The following SERPINB11 variants were observed in gnomAD, a reference collection of about 807,000 sequenced individuals.
SERPINB11 encodes serpin family B member 11, also known as serpin B11.
A neutral mutation model predicts 36.7 loss-of-function variants in SERPINB11; 32 were observed. The ratio of observed to expected loss-of-function variants is 0.87; its 90% CI spans 0.66 to 1.17. SERPINB11 has a LOEUF of 1.17. Among genes scored for constraint, SERPINB11 ranks in the 50% most tolerant of loss-of-function variants. SERPINB11 has a pLI of 0.00. For synonymous variants in SERPINB11, 174 were observed against 168.1 expected, an observed-to-expected ratio of 1.04 and a Z score of -0.27; for missense variants, 528 against 458.4, an observed-to-expected ratio of 1.15 and a Z score of -1.39.
intron 5 of SERPINB11, among the ~76,000 whole-genome samples, chr18:63,719,537 T>G (rs972604414): frequency 6.6e-6 from 1 of 152,152 alleles, no homozygotes; most frequent in African/African-American, 2.4e-5. Context: ...GATTTTCAGA[T>G]ATGTGTTTAC....
In SERPINB11 at chr18:63,723,187, A is replaced by G. The variant is rs769968538; in HGVS notation, c.967A>G (p.Thr323Ala). ...AGCTGATCTTTCTGGAATGTCACCA[A>G]CCAAGGGCCTATATTTATCAAAAGC... is the stretch of plus-strand genomic sequence containing the variant. ...VKADLSGMSP[T>A]KGLYLSKAIH... The change falls in exon 8 of 8, where the codon ACC becomes GCC. Residue 323 changes from threonine to alanine, a missense_variant. Thr to Ala is a moderately conservative substitution (Grantham distance 58). Coordinates refer to ENST00000544088, the MANE Select transcript of SERPINB11 (RefSeq NM_001370475.1). The G allele has an allele frequency of 3.1e-6, 5 of 1,613,466 alleles. No homozygotes were observed. The highest frequency in any genetic ancestry group is 4.2e-6 in the Non-Finnish European group (5 of 1,179,650).
At chr18:63,703,113 A>C (rs541733424) in intron 1 of SERPINB11, 107 bp downstream of exon 1, 1 of 152,328 alleles carries the variant, frequency 6.6e-6, no homozygotes, top group South Asian at 2.1e-4. Context: ...TAATGAACCA[A>C]ATGAAGGGGC....
chr18:63,717,373 C>T (rs147427487), intron 5 of SERPINB11, among the ~76,000 whole-genome samples: 1 of 151,946 alleles, frequency 6.6e-6, no homozygotes, highest in East Asian at 1.9e-4. Context: ...TATGTATGCA[C>T]TTTTATTGGG....
intron 1 of SERPINB11, among the ~76,000 whole-genome samples, chr18:63,703,948 T>G (rs1914304937): frequency 7.6e-6 from 1 of 131,462 alleles, no homozygotes; most frequent in South Asian, 2.8e-4. Context: ...AACTTCCAGA[T>G]GACACAACTC....
In SERPINB11 at chr18:63,716,055, G is replaced by C; in HGVS notation, c.378G>C (p.Glu126Asp). ...AFHQQYLSCS[E>D]KWYQARLQTV... Reference sequence around the variant, plus strand: ...CATAGCAATATTTAAGCTGTTCTGAGAAATGGTATCAAGCCAGGTTGCAAA... The same window carrying C: ...CATAGCAATATTTAAGCTGTTCTGACAAATGGTATCAAGCCAGGTTGCAAA... The change falls in exon 5 of 8, where the codon GAG becomes GAC. Residue 126 changes from glutamate to aspartate, a missense_variant. By Grantham distance (45) the Glu-to-Asp change is conservative (BLOSUM62 2). Coordinates refer to ENST00000544088, the MANE Select transcript of SERPINB11 (RefSeq NM_001370475.1). The C allele has an allele frequency of 1.9e-6, 3 of 1,610,276 alleles. No homozygotes were observed. Among genetic ancestry groups the C allele is most frequent in the Non-Finnish European group, 2.5e-6 (3 of 1,177,514 alleles).
Position 63,711,330 on chromosome 18 carries a change from T to C in SERPINB11, c.169-5T>C, listed in dbSNP as rs1018892395. 1 of 1,606,286 alleles carries C rather than the reference T, an allele frequency of 6.2e-7. No individual in the cohort carries two copies. Among genetic ancestry groups the C allele is most frequent in the Non-Finnish European group, 8.5e-7 (1 of 1,174,158 alleles). The stretch of plus-strand genomic sequence containing the variant: ...GCCAAAAGATCCCTTTTTTTTCTTT[T>C]CTAGGTGCTTCATTTTAGTCATACT... On this transcript the variant is annotated splice_region_variant and splice_polypyrimidine_tract_variant and intron_variant, in intron 2 of 7. Transcript: ENST00000544088.
intron 1 of SERPINB11, chr18:63,705,167 T>G (rs1259845186): frequency 6.6e-6 from 1 of 152,290 alleles, no homozygotes; most frequent in Non-Finnish European, 1.5e-5. Context: ...CTTGACCTCC[T>G]GGGCTGAAGC....
chr18:63,710,994 T>C (rs1914508434), intron 2 of SERPINB11, among the ~76,000 whole-genome samples: 1 of 152,196 alleles, frequency 6.6e-6, no homozygotes, highest in Non-Finnish European at 1.5e-5. Flanking sequence ...AGATGGGTAC[T>C]GTCTTAGTTA....
At chr18:63,717,511 T>A (rs1034213870) in intron 5 of SERPINB11, among the ~76,000 whole-genome samples, 1 of 152,044 alleles carries the variant, frequency 6.6e-6, no homozygotes, top group Admixed American at 6.6e-5. Flanking sequence ...ATTTCATTTG[T>A]CCCTCCTCCT....
At chr18:63,706,354 A>G (rs554737450) in intron 1 of SERPINB11, among the ~76,000 whole-genome samples, 1 of 152,362 alleles carries the variant, frequency 6.6e-6, no homozygotes, top group East Asian at 1.9e-4. Flanking sequence ...ACAAGGACAT[A>G]TCCCAGTGAA....
chr18:63,714,567 C>T (rs991261560), intron 4 of SERPINB11, among the ~76,000 whole-genome samples: 4 of 152,050 alleles, frequency 2.6e-5, no homozygotes, highest in East Asian at 1.9e-4. Context: ...CCCCTAGGAA[C>T]GCATTCTCTT....
At chr18:63,715,009 A>C (rs1806007953) in intron 4 of SERPINB11, among the ~76,000 whole-genome samples, 1 of 152,224 alleles carries the variant, frequency 6.6e-6, no homozygotes, top group Admixed American at 6.5e-5. Flanking sequence ...GGAACTAATA[A>C]ATGCCCATGA....
At chr18:63,712,811 G>C in intron 4 of SERPINB11, 118 bp downstream of exon 4, 1 of 1,126,720 alleles carries the variant, frequency 8.9e-7, no homozygotes, top group South Asian at 1.6e-5. Flanking sequence ...GATTGACTTT[G>C]TGCTAACTTA....
chr18:63,710,096 C>T (rs1216650411), intron 1 of SERPINB11, 83 bp from the exon 2 acceptor site: 20 of 1,143,730 alleles, frequency 1.7e-5, no homozygotes, highest in Admixed American at 9.0e-5. Flanking sequence ...GATACTTAAA[C>T]TCATGAAATA....
chr18:63,722,549 G>C (rs2144552855), intron 7 of SERPINB11, among the ~76,000 whole-genome samples: 1 of 152,256 alleles, frequency 6.6e-6, no homozygotes, highest in East Asian at 1.9e-4. Flanking sequence ...GGGCACGAGA[G>C]GATGAAAGCT....
chr18:63,720,668 A>T, intron 6 of SERPINB11, 163 bp from the exon 7 acceptor site: 1 of 560,060 alleles, frequency 1.8e-6, no homozygotes, highest in Non-Finnish European at 3.1e-6. Context: ...AAAAAAATGG[A>T]TAACCTTTGC....
chr18:63,721,481 C>A (rs1914811813), intron 7 of SERPINB11, among the ~76,000 whole-genome samples: 1 of 152,192 alleles, frequency 6.6e-6, no homozygotes, highest in Non-Finnish European at 1.5e-5. Context: ...TTGGATCCAA[C>A]CCCCTTTCCC....
At chr18:63,706,755 C>T (rs1914381676) in intron 1 of SERPINB11, among the ~76,000 whole-genome samples, 1 of 152,172 alleles carries the variant, frequency 6.6e-6, no homozygotes, top group Non-Finnish European at 1.5e-5. Flanking sequence ...ATTATTATTT[C>T]TCATGAAAAG....
intron 5 of SERPINB11, among the ~76,000 whole-genome samples, chr18:63,718,077 C>A (rs9965382): frequency 6.6e-6 from 1 of 151,732 alleles, no homozygotes; most frequent in Non-Finnish European, 1.5e-5. Context: ...TATTGCACTG[C>A]AATGTAAATT....
Sources: gnomAD v4.1 joint callset for allele counts (sites outside exome capture counted in the v4.1 genomes callset) on GRCh38, gnomAD v4.1.1 for gene constraint, MANE v1.5 for transcripts, NCBI Gene and HGNC (gene_info 2026-07-23, HGNC 2026-07-21) for gene names.